Variants in PDSS2 observed in about 807,000 individuals in gnomAD.
PDSS2 encodes the protein decaprenyl diphosphate synthase subunit 2, also known as all trans-polyprenyl-diphosphate synthase PDSS2.
A neutral mutation model predicts 44.5 loss-of-function variants in PDSS2; 31 were observed. The observed-to-expected ratio is 0.70, with a 90% CI of 0.52 to 0.94. The LOEUF is 0.94. Ranked by LOEUF, PDSS2 falls within the 40% of genes least tolerant of loss-of-function variation. The pLI, the probability that PDSS2 is intolerant of heterozygous loss-of-function variation, is 0.00. For missense variants in PDSS2, 452 were observed against 482.2 expected (o/e 0.94, Z 0.59); for synonymous variants, 157 against 180.3 (o/e 0.87, Z 1.03).
chr6:107,260,658 A>ATTTTTTTTTTTT (rs540553793), intron 3 of PDSS2, among the ~76,000 whole-genome samples: 1 of 93,430 alleles, frequency 1.1e-5, no homozygotes, highest in Non-Finnish European at 2.1e-5. Flanking sequence ...TTCCCCCTTC[A>ATTTTTTTTTTTT]TTTTTTTTTT....
At position 107,154,897 on chromosome 6, in the gene PDSS2, T is replaced by C. The variant is rs1035256437; in HGVS notation, c.1042-120A>G. The stretch of plus-strand genomic sequence containing the variant: ...GGGAGAAATAGTATAGATTGAGTAT[T>C]TCTGCTACGTTATTTTCTGGAAAAG... On this transcript the variant is annotated intron_variant, in intron 7 of 7. Transcript: ENST00000369037. The C allele has an allele frequency of 3.4e-6, 3 of 870,502 alleles. No individual in the cohort carries two copies. In the East Asian group the frequency reaches 7.8e-5, roughly 23 times the overall value. 53.9% of individuals were successfully genotyped at this position (870,502 alleles called of 1,614,324 possible).
At chr6:107,217,110 T>A (rs1296373230) in intron 4 of PDSS2, among the ~76,000 whole-genome samples, 1 of 152,090 alleles carries the variant, frequency 6.6e-6, no homozygotes, top group Non-Finnish European at 1.5e-5. Flanking sequence ...ACGGGCAATG[T>A]TAGGAGACAA....
At chr6:107,276,076 T>A (rs1775770014) in intron 2 of PDSS2, among the ~76,000 whole-genome samples, 1 of 130,050 alleles carries the variant, frequency 7.7e-6, no homozygotes, top group Admixed American at 9.6e-5. Flanking sequence ...CTGACTGCAC[T>A]ATTGCACTCT....
intron 4 of PDSS2, among the ~76,000 whole-genome samples, chr6:107,220,903 T>A (rs553405778): frequency 1.3e-5 from 2 of 152,112 alleles, no homozygotes; most frequent in Non-Finnish European, 2.9e-5. Flanking sequence ...TAAGAGAGCA[T>A]GCTCTATTAT....
intron 1 of PDSS2, among the ~76,000 whole-genome samples, chr6:107,437,525 CAAAAAAA>C (rs60133518): frequency 2.4e-5 from 3 of 126,722 alleles, no homozygotes; most frequent in East Asian, 5.3e-4. Flanking sequence ...ACCCTGTCTC[CAAAAAAA>C]AAAAAAAAAA....
At chr6:107,445,893 C>T (rs1171901595) in intron 1 of PDSS2, among the ~76,000 whole-genome samples, 1 of 152,202 alleles carries the variant, frequency 6.6e-6, no homozygotes, top group Non-Finnish European at 1.5e-5. Flanking sequence ...GAAACTACAA[C>T]ACACACATCT....
At chr6:107,298,252 T>C (rs1034671870) in intron 2 of PDSS2, among the ~76,000 whole-genome samples, 1 of 152,156 alleles carries the variant, frequency 6.6e-6, no homozygotes, top group East Asian at 1.9e-4. Context: ...GCCATTGGTA[T>C]TGGTGGGTTC....
At chr6:107,289,958 A>T (rs7754148) in intron 2 of PDSS2, among the ~76,000 whole-genome samples, 24,450 of 151,594 alleles carry the variant, frequency 0.16, 2,537 homozygotes, top group East Asian at 0.31. Context: ...TTTTTTTTTA[A>T]AAAATGTTTT....
chr6:107,458,990 C>A lies in PDSS2; in HGVS notation c.296G>T (p.Arg99Met). The change falls in exon 1 of 8, where the codon AGG (arginine) becomes ATG (methionine). Residue 99 changes from arginine to methionine, a missense_variant and splice_region_variant. Physicochemically the swap from Arg to Met is moderately conservative, Grantham distance 91. Transcript: ENST00000369037. ...GTQHPLLTTARGLVHDSWNSL... is the reference protein window; with the variant it reads ...GTQHPLLTTAMGLVHDSWNSL... ...TGTCAGCGGGAGAGGGGTAGCTCAC[C>A]TGGCTGTGGTAAGCAGAGGGTGCTG... The A allele has an allele frequency of 6.2e-7, 1 of 1,614,012 alleles. No individual in the cohort carries two copies. Among genetic ancestry groups the A allele is most frequent in the South Asian group, 1.1e-5 (1 of 91,066 alleles).
intron 2 of PDSS2, among the ~76,000 whole-genome samples, chr6:107,289,294 A>G (rs1354562568): frequency 5.3e-5 from 8 of 149,830 alleles, no homozygotes; most frequent in Non-Finnish European, 1.0e-4. Context: ...AATTGCTTGA[A>G]CCCGGGAGGC....
At chr6:107,201,410 A>AAAAAAAAAAC in intron 6 of PDSS2, among the ~76,000 whole-genome samples, 1 of 150,850 alleles carries the variant, frequency 6.6e-6, no homozygotes, top group African/African-American at 2.4e-5. Flanking sequence ...AAAAAAAAAA[A>AAAAAAAAAAC]AAAAGCCAGC....
intron 4 of PDSS2, among the ~76,000 whole-genome samples, chr6:107,221,447 T>G (rs990006318): frequency 5.0e-5 from 7 of 139,194 alleles, no homozygotes; most frequent in Non-Finnish European, 1.1e-4. Flanking sequence ...ATACATTCAG[T>G]GAATATTTAC....
chr6:107,201,898 G>A (rs1037774870), intron 6 of PDSS2, among the ~76,000 whole-genome samples: 3 of 152,258 alleles, frequency 2.0e-5, no homozygotes, highest in South Asian at 2.1e-4. Flanking sequence ...TTCAACAGTT[G>A]CTAACACCTT....
Position 107,258,828 on chromosome 6 carries a change from CT to C in PDSS2, c.631-13210del, listed in dbSNP as rs200547181. On this transcript the variant is annotated intron_variant, in intron 3 of 7. Transcript: ENST00000369037. Reference sequence around the variant, plus strand: ...AAAAAAAAAAAGTTTCATGAAGCCCCTATCAATGTTTGTATTGAAATATGTA... The same window carrying C: ...AAAAAAAAAAAGTTTCATGAAGCCCCATCAATGTTTGTATTGAAATATGTA... Among the ~76,000 whole-genome samples the C allele has an allele frequency of 2.6e-3, 390 of 152,246 alleles. 1 individual carries two copies. The highest frequency in any genetic ancestry group is 7.1e-3 in the African/African-American group (293 of 41,548).
At chr6:107,447,821 C>G (rs1225640718) in intron 1 of PDSS2, among the ~76,000 whole-genome samples, 2 of 152,250 alleles carry the variant, frequency 1.3e-5, no homozygotes, top group African/African-American at 4.8e-5. Context: ...ACTGCCCTAG[C>G]AGAGGTTCTC....
At position 107,367,596 on chromosome 6, in the gene PDSS2, C is replaced by T. The variant is rs1778997186; in HGVS notation, c.297-33264G>A. On this transcript the variant is annotated intron_variant, in intron 1 of 7. Coordinates refer to ENST00000369037, the MANE Select transcript of PDSS2 (RefSeq NM_020381.4). Reference sequence around the variant, plus strand: ...GTCAGGAGTTCTAGATGAGCCTAGCCAACATGGCAAAACCCCTTCTCTACT... The same window carrying T: ...GTCAGGAGTTCTAGATGAGCCTAGCTAACATGGCAAAACCCCTTCTCTACT... 2.6e-5 allele frequency among the ~76,000 whole-genome samples: 4 copies of T among 151,948 alleles called. No homozygotes were observed. The South Asian group carries it at 8.3e-4, about 32-fold the overall frequency.
chr6:107,386,452 G>A lies in PDSS2; in HGVS notation c.297-52120C>T, dbSNP rs530695122. Among the ~76,000 whole-genome samples the A allele has an allele frequency of 5.2e-4, 79 of 151,180 alleles. 1 individual carries two copies. The highest frequency in any genetic ancestry group is 9.6e-4 in the Non-Finnish European group (65 of 67,890). On this transcript the variant is annotated intron_variant, in intron 1 of 7. Coordinates refer to ENST00000369037, the MANE Select transcript of PDSS2 (RefSeq NM_020381.4). ...TTATCTGAACATGTCACAGAACAAT[G>A]TTCTAAGGCTCACAGCAGGATTAGG...
chr6:107,440,795 T>C (rs576841937), intron 1 of PDSS2, among the ~76,000 whole-genome samples: 2 of 152,198 alleles, frequency 1.3e-5, no homozygotes, highest in African/African-American at 4.8e-5. Flanking sequence ...TGAGTACAGG[T>C]AGAATGTAAG....
In PDSS2 at chr6:107,168,836, C is replaced by T. The variant is rs369636863; in HGVS notation, c.1042-14059G>A. 6.6e-4 allele frequency among the ~76,000 whole-genome samples: 100 copies of T among 152,208 alleles called. No individual in the cohort carries two copies. The East Asian group carries it at 0.016, about 25-fold the overall frequency. Reference sequence around the variant, plus strand: ...CTCTCCTGGCTTGTAGGGTTTCTGCCGAGAGATCCGCTGTTAGTCTGATGG... The same window carrying T: ...CTCTCCTGGCTTGTAGGGTTTCTGCTGAGAGATCCGCTGTTAGTCTGATGG... On this transcript the variant is annotated intron_variant, in intron 7 of 7. Transcript: ENST00000369037.
Sources: gnomAD v4.1 joint callset for allele counts (sites outside exome capture counted in the v4.1 genomes callset) on GRCh38, gnomAD v4.1.1 for gene constraint, MANE v1.5 for transcripts, NCBI Gene and HGNC (gene_info 2026-07-23, HGNC 2026-07-21) for gene names.